The following AGMO variants were observed in gnomAD, a reference collection of about 807,000 sequenced individuals.
AGMO encodes alkylglycerol monooxygenase.
AGMO carries 75 observed loss-of-function variants against 60.2 expected under a neutral mutation model. The ratio of observed to expected loss-of-function variants is 1.25; its 90% CI spans 1.03 to 1.51. The LOEUF is 1.51. Among genes scored for constraint, AGMO ranks in the 40% most tolerant of loss-of-function variants. AGMO has a pLI of 0.00. For missense variants in AGMO, 763 were observed against 525.5 expected, an observed-to-expected ratio of 1.45 and a Z score of -4.42; for synonymous variants, 261 against 177.1, an observed-to-expected ratio of 1.47 and a Z score of -3.76.
intron 12 of AGMO, among the ~76,000 whole-genome samples, chr7:15,302,490 G>T (rs190899619): frequency 5.9e-5 from 9 of 152,092 alleles, no homozygotes; most frequent in African/African-American, 2.2e-4. Flanking sequence ...TCTAACTCTA[G>T]AACTTAATAA....
In AGMO at chr7:15,327,280, A is replaced by C. The variant is rs949638093; in HGVS notation, c.1263+38234T>G. On this transcript the variant is annotated intron_variant, in intron 12 of 12. Transcript: ENST00000342526. ...ATTTAGTGGAAAGACAGCTAAAAAT[A>C]GAAAATGCTTGGGGCTAGGTTTCCA... Among the ~76,000 whole-genome samples, 3 of 152,330 alleles carry C rather than the reference A, an allele frequency of 2.0e-5. No homozygotes were observed. In the East Asian group the frequency reaches 5.8e-4, roughly 29 times the overall value.
intron 12 of AGMO, among the ~76,000 whole-genome samples, chr7:15,322,615 T>TAG: frequency 1.6e-5 from 1 of 62,362 alleles, no homozygotes; most frequent in Non-Finnish European, 2.5e-5. Flanking sequence ...TATATATAAA[T>TAG]ATATAAATAT....
rs142678141 is a variant in AGMO, at chr7:15,379,663, C to A, written c.1074+5783G>T. 3.2e-3 allele frequency among the ~76,000 whole-genome samples: 490 copies of A among 152,214 alleles called. 2 individuals are homozygous for A. Among genetic ancestry groups the A allele is most frequent in the African/African-American group, 0.011 (461 of 41,546 alleles). On this transcript the variant is annotated intron_variant, in intron 10 of 12. Transcript: ENST00000342526. The stretch of plus-strand genomic sequence containing the variant: ...CACCAGACAGATTCACAGCTGAATT[C>A]TACCAGAGGTACAAAGAAGAGCTGG...
In AGMO at chr7:15,432,739, A is replaced by T. The variant is rs370034588; in HGVS notation, c.410-1631T>A. 5.3e-5 allele frequency among the ~76,000 whole-genome samples: 8 copies of T among 151,948 alleles called. No individual in the cohort carries two copies. In the East Asian group the frequency reaches 1.5e-3, roughly 29 times the overall value. On this transcript the variant is annotated intron_variant, in intron 3 of 12. Coordinates refer to ENST00000342526, the MANE Select transcript of AGMO (RefSeq NM_001004320.2). ...TATTTCTATGCTAGCAATTAAGGAA[A>T]TTGTTCTTACACAAAAGAGAACTAC...
At chr7:15,230,415 C>A (rs1243290421) in intron 12 of AGMO, among the ~76,000 whole-genome samples, 1 of 152,074 alleles carries the variant, frequency 6.6e-6, no homozygotes, top group Non-Finnish European at 1.5e-5. Flanking sequence ...TAGGCAATTA[C>A]AAAGGCCTGA....
chr7:15,535,231 CTA>C (rs1305609352), intron 3 of AGMO, among the ~76,000 whole-genome samples: 2 of 151,816 alleles, frequency 1.3e-5, no homozygotes, highest in East Asian at 3.9e-4. Flanking sequence ...ATTTCATTTT[CTA>C]TCTTTTGCTC....
At chr7:15,442,319 T>C (rs1483357400) in intron 3 of AGMO, among the ~76,000 whole-genome samples, 1 of 152,198 alleles carries the variant, frequency 6.6e-6, no homozygotes, top group Non-Finnish European at 1.5e-5. Flanking sequence ...TTCATGGTAC[T>C]CCTCAAATCT....
intron 12 of AGMO, among the ~76,000 whole-genome samples, chr7:15,239,282 G>A (rs560770852): frequency 2.6e-4 from 40 of 152,204 alleles, no homozygotes; most frequent in African/African-American, 9.2e-4. Context: ...CCATAGGAAC[G>A]TTTAGATAAT....
At chr7:15,267,390 GA>G (rs1252386865) in intron 12 of AGMO, among the ~76,000 whole-genome samples, 1 of 151,738 alleles carries the variant, frequency 6.6e-6, no homozygotes, top group Non-Finnish European at 1.5e-5. Context: ...TAAACATCAT[GA>G]AAAAAAGTGA....
At chr7:15,330,490 C>T (rs1312704139) in intron 12 of AGMO, among the ~76,000 whole-genome samples, 12 of 152,078 alleles carry the variant, frequency 7.9e-5, no homozygotes, top group Admixed American at 7.9e-4. Context: ...AATATTTTGG[C>T]AGTCATGTAT....
chr7:15,171,062 G>A, the AGMO span, among the ~76,000 whole-genome samples: 4 of 151,960 alleles, frequency 2.6e-5, no homozygotes, highest in Non-Finnish European at 5.9e-5. Context: ...TGAAAGCTCC[G>A]TCTCCCAGGA....
At chr7:15,190,764 A>G in the AGMO span, among the ~76,000 whole-genome samples, 1 of 152,168 alleles carries the variant, frequency 6.6e-6, no homozygotes, top group Admixed American at 6.6e-5. Context: ...AAAATATAGA[A>G]GTAATTTGGA....
chr7:15,202,567 C>A (rs1781325912), intron 12 of AGMO, among the ~76,000 whole-genome samples: 1 of 147,818 alleles, frequency 6.8e-6, no homozygotes, highest in African/African-American at 2.5e-5. Context: ...TTCTAGAGAA[C>A]CATCATCCTT....
At chr7:15,354,364 A>G (rs1447407156) in intron 12 of AGMO, among the ~76,000 whole-genome samples, 2 of 78,362 alleles carry the variant, frequency 2.6e-5, no homozygotes, top group South Asian at 3.9e-4. Context: ...AGACGTGTGT[A>G]TATAGACGTG....
intron 6 of AGMO, 82 bp downstream of exon 6, chr7:15,394,031 T>C: frequency 9.8e-7 from 1 of 1,024,578 alleles, no homozygotes; most frequent in Non-Finnish European, 1.5e-6. Flanking sequence ...ATTGGGAAAT[T>C]GTGATTAAAT....
At chr7:15,446,788 GA>G (rs1781709949) in intron 3 of AGMO, among the ~76,000 whole-genome samples, 1 of 152,150 alleles carries the variant, frequency 6.6e-6, no homozygotes, top group Non-Finnish European at 1.5e-5. Context: ...TCTTTGTAAA[GA>G]GTTTTTATTT....
the AGMO span, among the ~76,000 whole-genome samples, chr7:15,123,704 G>C: frequency 2.6e-5 from 4 of 151,994 alleles, no homozygotes; most frequent in African/African-American, 7.2e-5. Context: ...AACTAAGTTT[G>C]AGCCTGGTCA....
intron 12 of AGMO, among the ~76,000 whole-genome samples, chr7:15,231,813 T>C (rs577662845): frequency 6.6e-6 from 1 of 152,204 alleles, no homozygotes; most frequent in Non-Finnish European, 1.5e-5. Context: ...TGTTTTCATA[T>C]GTGGCTGGTA....
In AGMO at chr7:15,418,544, A is replaced by T; in HGVS notation, c.609+14T>A. 6.5e-7 allele frequency: 1 copy of T among 1,527,606 alleles called. No homozygotes were observed. Among genetic ancestry groups the T allele is most frequent in the Non-Finnish European group, 9.0e-7 (1 of 1,113,778 alleles). The allele number at this position is 1,527,606 out of a possible 1,614,324, so 94.6% of individuals were successfully genotyped here. On this transcript the variant is annotated intron_variant, in intron 5 of 12. Coordinates refer to ENST00000342526, the MANE Select transcript of AGMO (RefSeq NM_001004320.2). Reference sequence around the variant, plus strand: ...TTTAGGTATAAAACTTACAAAGATAAAAAAAAGTTTTACCTCTGTATGGAT... The same window carrying T: ...TTTAGGTATAAAACTTACAAAGATATAAAAAAGTTTTACCTCTGTATGGAT...
Sources: allele counts gnomAD v4.1 joint callset (sites outside exome capture counted in the v4.1 genomes callset), GRCh38; gene constraint gnomAD v4.1.1; transcripts MANE v1.5; gene names NCBI Gene and HGNC (gene_info 2026-07-23, HGNC 2026-07-21).